Variants in ARMC9 observed in about 807,000 individuals in gnomAD.
ARMC9 encodes the protein lisH domain-containing protein ARMC9.
A neutral mutation model predicts 107.0 loss-of-function variants in ARMC9; 94 were observed. The observed-to-expected ratio is 0.88, with a 90% CI of 0.74 to 1.04. The LOEUF is 1.04. Among genes scored for constraint, ARMC9 ranks in the 50% least tolerant of loss-of-function variants. The pLI is 0.00. For synonymous variants in ARMC9, 380 were observed against 396.9 expected (o/e 0.96, Z 0.51); for missense variants, 942 against 1,030.1 (o/e 0.91, Z 1.17).
chr2:231,273,986 A>G (rs1195622281), intron 14 of ARMC9, among the ~76,000 whole-genome samples: 3 of 152,178 alleles, frequency 2.0e-5, no homozygotes, highest in Non-Finnish European at 4.4e-5. Flanking sequence ...AAATGGAATC[A>G]TGTAGTGTGC....
intron 21 of ARMC9, among the ~76,000 whole-genome samples, chr2:231,350,900 A>G (rs1388861706): frequency 8.2e-6 from 1 of 122,036 alleles, no homozygotes; most frequent in East Asian, 2.5e-4. Context: ...TTGAGATGCT[A>G]TGCTTGGAGG....
chr2:231,299,889 C>T (rs773431309), intron 19 of ARMC9, among the ~76,000 whole-genome samples: 5 of 152,206 alleles, frequency 3.3e-5, no homozygotes, highest in Non-Finnish European at 5.9e-5. Context: ...TTGGACAATA[C>T]ACCCCAGGGA....
At position 231,373,292 on chromosome 2, in the gene ARMC9, GCAGA is replaced by G. The variant is rs2046096968; in HGVS notation, c.*1760_*1763del. 1 of 152,238 alleles carries G rather than the reference GCAGA, an allele frequency of 6.6e-6. No homozygotes were observed. The highest frequency in any genetic ancestry group is 2.1e-4 in the South Asian group (1 of 4,830). 9.4% of individuals were successfully genotyped at this position (152,238 alleles called of 1,614,324 possible). A position where few individuals can be genotyped will look rare whatever the true frequency, so the allele number is the denominator to read the frequency against. On this transcript the variant is annotated 3_prime_UTR_variant, in exon 25 of 25. Coordinates refer to ENST00000611582, the MANE Select transcript of ARMC9 (RefSeq NM_001352754.2). The surrounding 1 kb of genome is among the most constrained non-coding windows in gnomAD (Gnocchi z 4.4). The stretch of plus-strand genomic sequence containing the variant: ...GACTTTGAAAAGGTGTAGAGTGGTT[GCAGA>G]CAAACAGCAAAGGAGTGGAATGGAA...
At chr2:231,296,104 T>G in intron 18 of ARMC9, 94 bp from the exon 19 acceptor site, 1 of 845,788 alleles carries the variant, frequency 1.2e-6, no homozygotes. Context: ...TCATTCTCAT[T>G]AAGGTGTTTA....
At chr2:231,351,804 T>C (rs2045092433) in intron 21 of ARMC9, among the ~76,000 whole-genome samples, 1 of 152,050 alleles carries the variant, frequency 6.6e-6, no homozygotes, top group African/African-American at 2.4e-5. Flanking sequence ...GGTGAACCAG[T>C]AAGTACATAA....
intron 3 of ARMC9, among the ~76,000 whole-genome samples, chr2:231,214,215 G>A (rs1007598435): frequency 9.2e-5 from 14 of 152,238 alleles, no homozygotes; most frequent in Admixed American, 7.2e-4. Flanking sequence ...CTTCTCTGTC[G>A]CTGCAGCTGC....
Position 231,370,035 on chromosome 2 carries a change from G to T in ARMC9, c.2344G>T (p.Ala782Ser). 1 of 1,535,822 alleles carries T rather than the reference G, an allele frequency of 6.5e-7. No homozygotes were observed. Among genetic ancestry groups the T allele is most frequent in the Non-Finnish European group, 8.7e-7 (1 of 1,146,740 alleles). The change falls in exon 24 of 25, where the codon GCG (alanine) becomes TCG (serine). Residue 782 changes from alanine to serine, a missense_variant. Ala to Ser is a moderately conservative substitution (Grantham distance 99). Coordinates refer to ENST00000611582, the MANE Select transcript of ARMC9 (RefSeq NM_001352754.2). Reference protein sequence around the residue: ...MLDWNPPKAKASVLAPLFSSC... With the variant: ...MLDWNPPKAKSSVLAPLFSSC... ...GGACTGGAACCCACCCAAGGCAAAGGCGTCAGTTCTGGCCCCTCTGTTCTC... is the reference window on the plus strand; with the variant it reads ...GGACTGGAACCCACCCAAGGCAAAGTCGTCAGTTCTGGCCCCTCTGTTCTC...
chr2:231,268,662 G>A (rs1379592185), intron 12 of ARMC9, among the ~76,000 whole-genome samples: 1 of 152,134 alleles, frequency 6.6e-6, no homozygotes, highest in Non-Finnish European at 1.5e-5. Context: ...GTATGGTCAA[G>A]AAATGTCTTC....
intron 6 of ARMC9, among the ~76,000 whole-genome samples, chr2:231,223,221 TA>T (rs1223702246): frequency 6.6e-6 from 1 of 152,248 alleles, no homozygotes; most frequent in Non-Finnish European, 1.5e-5. Flanking sequence ...GACTTCTTTT[TA>T]AATAACTTTA....
chr2:231,217,547 A>G (rs1559301844), intron 5 of ARMC9, among the ~76,000 whole-genome samples: 1 of 150,672 alleles, frequency 6.6e-6, no homozygotes, highest in Non-Finnish European at 1.5e-5. Context: ...CATCCTGGGC[A>G]ACAGAGTGAG....
chr2:231,290,351 G>C (rs970893558), intron 17 of ARMC9, among the ~76,000 whole-genome samples: 2 of 152,220 alleles, frequency 1.3e-5, no homozygotes, highest in African/African-American at 4.8e-5. Context: ...TTCAGTTAGA[G>C]CTATTGATTC....
At chr2:231,256,471 C>A (rs1251140533) in intron 9 of ARMC9, 115 bp from the exon 10 acceptor site, 78 of 1,310,384 alleles carry the variant, frequency 6.0e-5, no homozygotes, top group East Asian at 1.4e-4. Context: ...AAAAAAAAAA[C>A]CCAAAAAACC....
chr2:231,313,628 T>C (rs1194869043), intron 19 of ARMC9, among the ~76,000 whole-genome samples: 2 of 152,214 alleles, frequency 1.3e-5, no homozygotes, highest in Non-Finnish European at 2.9e-5. Context: ...TGCACATTTG[T>C]AGTCAGCCCT....
chr2:231,223,889 A>G (rs1375534495), intron 6 of ARMC9, among the ~76,000 whole-genome samples: 1 of 152,164 alleles, frequency 6.6e-6, no homozygotes, highest in Non-Finnish European at 1.5e-5. Flanking sequence ...TTTCCTTCCT[A>G]GAGTTCCATA....
At chr2:231,226,365 T>C (rs1478387320) in intron 6 of ARMC9, among the ~76,000 whole-genome samples, 4 of 152,228 alleles carry the variant, frequency 2.6e-5, no homozygotes, top group Non-Finnish European at 5.9e-5. Context: ...GCTATGCTGT[T>C]TTCACCTCAA....
chr2:231,329,970 A>C (rs929628682), intron 19 of ARMC9, among the ~76,000 whole-genome samples: 1 of 152,170 alleles, frequency 6.6e-6, no homozygotes, highest in Non-Finnish European at 1.5e-5. Context: ...CTTTTCCTAC[A>C]AATGTTCAAT....
intron 18 of ARMC9, chr2:231,294,026 G>T (rs143662687): frequency 6.2e-4 from 94 of 152,342 alleles, no homozygotes; most frequent in African/African-American, 2.2e-3. Context: ...TCTTTATTTA[G>T]ATTATTGGTT....
intron 19 of ARMC9, among the ~76,000 whole-genome samples, chr2:231,318,296 A>G (rs946854946): frequency 1.3e-5 from 2 of 152,070 alleles, no homozygotes; most frequent in East Asian, 3.8e-4. Flanking sequence ...TGGGATGGAA[A>G]TTGTGCTCAG....
At chr2:231,258,712 G>A (rs2038067979) in intron 10 of ARMC9, among the ~76,000 whole-genome samples, 1 of 152,158 alleles carries the variant, frequency 6.6e-6, no homozygotes, top group African/African-American at 2.4e-5. Flanking sequence ...GGCTGAAGGT[G>A]AATGTAGGGG....
Sources: gnomAD v4.1 joint callset for allele counts (sites outside exome capture counted in the v4.1 genomes callset) on GRCh38, gnomAD v4.1.1 for gene constraint, Gnocchi (gnomAD v3.1) non-coding constraint, MANE v1.5 for transcripts, NCBI Gene and HGNC (gene_info 2026-07-23, HGNC 2026-07-21) for gene names.